CMIP: variants seen among roughly 807,000 people sequenced by gnomAD.
CMIP encodes the protein c-Maf inducing protein, also known as C-Maf-inducing protein.
In CMIP, 13 loss-of-function variants were observed where a neutral mutation model predicts 97.3. That is an observed-to-expected ratio of 0.13 (90% confidence interval 0.09 to 0.21). The LOEUF (loss-of-function observed/expected upper bound fraction) is 0.21, where lower values mean the gene tolerates loss of function less well. Ranked by LOEUF, CMIP falls within the 10% of genes least tolerant of loss-of-function variation. The pLI, the probability that CMIP is intolerant of heterozygous loss-of-function variation, is 1.00. For missense variants in CMIP, 847 were observed against 1,024.9 expected (o/e 0.83, Z 2.37); for synonymous variants, 538 against 436.3 (o/e 1.23, Z -2.91).
Position 81,603,130 on chromosome 16 carries a change from A to T in CMIP, c.301-4437A>T, listed in dbSNP as rs1476722748. 8.5e-5 allele frequency among the ~76,000 whole-genome samples: 13 copies of T among 152,312 alleles called. No individual in the cohort carries two copies. The South Asian group carries it at 2.5e-3, about 29-fold the overall frequency. On this transcript the variant is annotated intron_variant, in intron 1 of 20. Coordinates refer to ENST00000537098, the MANE Select transcript of CMIP (RefSeq NM_198390.3). The stretch of plus-strand genomic sequence containing the variant: ...AGTCTTGCTCTGTTGCCCAGGCTAC[A>T]GTGCAGTGGCGCGATCTCGGCTCAC...
chr16:81,486,479 A>G (rs2089315585), intron 1 of CMIP, among the ~76,000 whole-genome samples: 1 of 152,126 alleles, frequency 6.6e-6, no homozygotes, highest in African/African-American at 2.4e-5. Context: ...AGGAAATTGC[A>G]CTTCGGGTCC....
chr16:81,648,531 C>T (rs1230266671), intron 3 of CMIP, among the ~76,000 whole-genome samples: 5 of 152,098 alleles, frequency 3.3e-5, no homozygotes, highest in Non-Finnish European at 7.4e-5. Context: ...CGCCTGTAAT[C>T]CCAGCACTTT....
At chr16:81,552,099 ATCCTC>A (rs2090670793) in intron 1 of CMIP, among the ~76,000 whole-genome samples, 1 of 152,134 alleles carries the variant, frequency 6.6e-6, no homozygotes, top group South Asian at 2.1e-4. Context: ...CTTGTGTGAC[ATCCTC>A]TGACATCTGA....
chr16:81,662,713 T>C (rs8058971), intron 6 of CMIP, among the ~76,000 whole-genome samples: 96,432 of 152,068 alleles, frequency 0.63, 31,154 homozygotes, highest in African/African-American at 0.75. Flanking sequence ...GGGTGATACA[T>C]GTGTGCAGGA....
intron 1 of CMIP, among the ~76,000 whole-genome samples, chr16:81,461,695 A>C (rs899511949): frequency 2.0e-5 from 3 of 152,198 alleles, no homozygotes; most frequent in African/African-American, 7.2e-5. Flanking sequence ...TGGGTTAAAC[A>C]AAGTGTGGTA....
At chr16:81,492,417 C>T (rs1335889089) in intron 1 of CMIP, among the ~76,000 whole-genome samples, 3 of 152,204 alleles carry the variant, frequency 2.0e-5, no homozygotes, top group African/African-American at 7.2e-5. Flanking sequence ...TCCCTCTGTC[C>T]GTGGCCACTC....
intron 3 of CMIP, among the ~76,000 whole-genome samples, chr16:81,649,009 T>G (rs2092397431): frequency 6.6e-6 from 1 of 151,946 alleles, no homozygotes; most frequent in South Asian, 2.1e-4. Flanking sequence ...ACTTCCCCAC[T>G]CTCCCCACCA....
chr16:81,680,849 A>G (rs1284088263), intron 10 of CMIP, among the ~76,000 whole-genome samples: 1 of 152,204 alleles, frequency 6.6e-6, no homozygotes, highest in Non-Finnish European at 1.5e-5. Flanking sequence ...GGTTTTTGCA[A>G]ACACCGTGAG....
At chr16:81,476,900 T>G (rs1468875025) in intron 1 of CMIP, among the ~76,000 whole-genome samples, 1 of 152,108 alleles carries the variant, frequency 6.6e-6, no homozygotes, top group Non-Finnish European at 1.5e-5. Flanking sequence ...TCAGGCTCCC[T>G]AAGGATCTTT....
chr16:81,613,542 G>T (rs938567645), intron 2 of CMIP, among the ~76,000 whole-genome samples: 4 of 152,112 alleles, frequency 2.6e-5, no homozygotes, highest in Admixed American at 6.5e-5. Flanking sequence ...TCTGTGAAAC[G>T]CACTCTAATA....
At chr16:81,580,337 AGG>A (rs2091274784) in intron 1 of CMIP, among the ~76,000 whole-genome samples, 1 of 152,220 alleles carries the variant, frequency 6.6e-6, no homozygotes, top group Admixed American at 6.5e-5. Context: ...CACTAAGCTA[AGG>A]TATTTTTGTC....
chr16:81,475,380 G>C (rs2150751011), intron 1 of CMIP, among the ~76,000 whole-genome samples: 1 of 152,266 alleles, frequency 6.6e-6, no homozygotes, highest in Admixed American at 6.5e-5. Flanking sequence ...ACCGTTCTCT[G>C]ATTTCAAACC....
chr16:81,471,388 G>A (rs1907534660), intron 1 of CMIP, among the ~76,000 whole-genome samples: 1 of 150,738 alleles, frequency 6.6e-6, no homozygotes, highest in African/African-American at 2.4e-5. Flanking sequence ...ATGTGCATAT[G>A]CATATACACG....
intron 1 of CMIP, among the ~76,000 whole-genome samples, chr16:81,448,116 G>A (rs1905975416): frequency 6.6e-6 from 1 of 152,208 alleles, no homozygotes; most frequent in African/African-American, 2.4e-5. Flanking sequence ...GCAGCCGCTG[G>A]CCCAGCCCTG....
intron 1 of CMIP, among the ~76,000 whole-genome samples, chr16:81,524,802 T>C (rs1451862138): frequency 6.6e-6 from 1 of 151,778 alleles, no homozygotes; most frequent in East Asian, 1.9e-4. Context: ...TCTTTCTTTT[T>C]TTTTTTTTTG....
chr16:81,646,656 A>G (rs1046035746), intron 3 of CMIP, among the ~76,000 whole-genome samples: 1 of 152,194 alleles, frequency 6.6e-6, no homozygotes, highest in Admixed American at 6.5e-5. Context: ...TCTGTGCCCC[A>G]GGCAATGAAT....
chr16:81,661,033 CAA>C, intron 6 of CMIP, 87 bp downstream of exon 6: 1 of 1,529,610 alleles, frequency 6.5e-7, no homozygotes, highest in South Asian at 1.1e-5. Context: ...ACAGAAAGGC[CAA>C]AAACCTGGGC....
chr16:81,684,705 A>T (rs1342337693), intron 10 of CMIP, among the ~76,000 whole-genome samples: 1 of 152,058 alleles, frequency 6.6e-6, no homozygotes, highest in Non-Finnish European at 1.5e-5. Flanking sequence ...TCTTCATGGG[A>T]GGGTTAAATG....
At position 81,678,333 on chromosome 16, in the gene CMIP, C is replaced by T. The variant is rs764841132; in HGVS notation, c.1093C>T (p.Arg365Trp). 19 of 1,611,182 alleles carry T rather than the reference C, an allele frequency of 1.2e-5. No homozygotes were observed. Among genetic ancestry groups the T allele is most frequent in the East Asian group, 2.2e-5 (1 of 44,834 alleles). Residue 365 changes from arginine (R) to tryptophan (W), a missense_variant, in exon 10 of 21, where the codon CGG (arginine) becomes TGG (tryptophan). Arg to Trp is a moderately radical substitution (Grantham distance 101). Around this residue, in one of 4 missense-constraint regions of CMIP, gnomAD observed 202 missense variants for 168.7 expected, o/e 1.20. Transcript: ENST00000537098. ...IRNGCQQPCDRKPTLPLRLLH... is the reference protein window; with the variant it reads ...IRNGCQQPCDWKPTLPLRLLH... ...GAACGGCTGCCAGCAGCCGTGCGAC[C>T]GGAAGCCCACTTTACCTCTGCGCCT...
Sources: gnomAD v4.1 joint callset for allele counts (sites outside exome capture counted in the v4.1 genomes callset) on GRCh38, gnomAD v4.1.1 for gene constraint, gnomAD v4.1.1 regional missense constraint, MANE v1.5 for transcripts, NCBI Gene and HGNC (gene_info 2026-07-23, HGNC 2026-07-21) for gene names.